The following PLXDC2 variants were observed in gnomAD, a reference collection of about 807,000 sequenced individuals.
The protein encoded by PLXDC2 is plexin domain containing 2, also known as plexin domain-containing protein 2.
In PLXDC2, 40 loss-of-function variants were observed where a neutral mutation model predicts 68.9. The ratio of observed to expected loss-of-function variants is 0.58; its 90% CI spans 0.45 to 0.76. The LOEUF (loss-of-function observed/expected upper bound fraction) is 0.76, where lower values mean the gene tolerates loss of function less well. Among genes scored for constraint, PLXDC2 ranks in the 30% least tolerant of loss-of-function variants. The pLI is 0.00. For missense variants in PLXDC2, 644 were observed against 661.9 expected (o/e 0.97, Z 0.30); for synonymous variants, 243 against 234.2 (o/e 1.04, Z -0.34).
intron 1 of PLXDC2, among the ~76,000 whole-genome samples, chr10:19,841,040 C>G (rs550685240): frequency 1.3e-5 from 2 of 152,142 alleles, no homozygotes; most frequent in Non-Finnish European, 2.9e-5. Context: ...ATAGGCATTG[C>G]TCTGTGTCCT....
intron 13 of PLXDC2, among the ~76,000 whole-genome samples, chr10:20,279,033 T>C (rs1564374713): frequency 6.6e-6 from 1 of 152,204 alleles, no homozygotes; most frequent in African/African-American, 2.4e-5. Flanking sequence ...TTAGGACTAG[T>C]GTCTATTGTA....
chr10:20,178,129 T>C (rs532018250), intron 9 of PLXDC2, among the ~76,000 whole-genome samples: 18 of 152,296 alleles, frequency 1.2e-4, no homozygotes, highest in African/African-American at 4.3e-4. Context: ...TTCTATGCAA[T>C]ATCTCAAAGG....
At chr10:19,846,750 A>T (rs548596637) in intron 1 of PLXDC2, among the ~76,000 whole-genome samples, 88 of 152,270 alleles carry the variant, frequency 5.8e-4, no homozygotes, top group Non-Finnish European at 1.1e-3. Flanking sequence ...CACATAGTTG[A>T]TCTGGCATCA....
At chr10:19,921,017 T>C (rs534301995) in intron 1 of PLXDC2, among the ~76,000 whole-genome samples, 3 of 151,802 alleles carry the variant, frequency 2.0e-5, no homozygotes, top group African/African-American at 7.2e-5. Context: ...AGCCTTGAAC[T>C]CCTGGGCTCA....
chr10:19,935,315 G>T (rs563188493), intron 1 of PLXDC2, among the ~76,000 whole-genome samples: 4 of 152,336 alleles, frequency 2.6e-5, no homozygotes, highest in African/African-American at 9.6e-5. Context: ...GCCAGGCATT[G>T]CCCTGACAGC....
At chr10:20,010,380 G>A (rs1320041745) in intron 2 of PLXDC2, among the ~76,000 whole-genome samples, 3 of 152,106 alleles carry the variant, frequency 2.0e-5, no homozygotes, top group African/African-American at 7.2e-5. Context: ...AAAGTGTACC[G>A]AAAATAGTAA....
intron 13 of PLXDC2, among the ~76,000 whole-genome samples, chr10:20,273,250 T>C (rs772784878): frequency 6.6e-6 from 1 of 152,198 alleles, no homozygotes; most frequent in African/African-American, 2.4e-5. Flanking sequence ...TTTATGGCAA[T>C]ATTTTATTTT....
intron 1 of PLXDC2, among the ~76,000 whole-genome samples, chr10:19,921,646 C>T (rs1290619722): frequency 6.6e-6 from 1 of 152,206 alleles, no homozygotes; most frequent in African/African-American, 2.4e-5. Flanking sequence ...CAATTTCCCT[C>T]TTCCTTAAGG....
intron 4 of PLXDC2, among the ~76,000 whole-genome samples, chr10:20,076,734 C>T (rs1408792025): frequency 6.6e-6 from 1 of 152,084 alleles, no homozygotes; most frequent in African/African-American, 2.4e-5. Context: ...TCTAACTGCT[C>T]CTATTAAAGG....
chr10:19,819,416 A>G (rs1163089804), intron 1 of PLXDC2, among the ~76,000 whole-genome samples: 1 of 152,244 alleles, frequency 6.6e-6, no homozygotes, highest in Non-Finnish European at 1.5e-5. Context: ...ATATAAAAAA[A>G]GCAAGGTGAA....
At chr10:20,155,795 C>CA (rs1359996479) in intron 6 of PLXDC2, among the ~76,000 whole-genome samples, 2 of 152,024 alleles carry the variant, frequency 1.3e-5, no homozygotes, top group Non-Finnish European at 2.9e-5. Context: ...GTTCTGATGG[C>CA]AAATGCTGTG....
intron 6 of PLXDC2, among the ~76,000 whole-genome samples, chr10:20,162,085 A>C (rs1834306404): frequency 7.4e-6 from 1 of 134,452 alleles, no homozygotes; most frequent in Non-Finnish European, 1.6e-5. Flanking sequence ...GGAAGGAAGG[A>C]AGGAAGGAAG....
intron 1 of PLXDC2, among the ~76,000 whole-genome samples, chr10:19,997,255 A>G (rs1834859141): frequency 6.6e-6 from 1 of 152,218 alleles, no homozygotes; most frequent in South Asian, 2.1e-4. Context: ...ACTATTTTCT[A>G]TAGAATTTTA....
At position 20,238,545 on chromosome 10, in the gene PLXDC2, G is replaced by A. The variant is rs1331826504; in HGVS notation, c.1313-6800G>A. ...GCCTGTAGTCCCAGCTACTCAGGAG[G>A]CTGAGGCAGGAGAATTACCTGAATC... On this transcript the variant is annotated intron_variant, in intron 12 of 13. Transcript: ENST00000377252. Among the ~76,000 whole-genome samples the A allele has an allele frequency of 2.0e-5, 3 of 150,410 alleles. No individual in the cohort carries two copies. The Admixed American group carries it at 2.0e-4, about 10-fold the overall frequency.
intron 7 of PLXDC2, 146 bp from the exon 8 acceptor site, chr10:20,176,853 T>G: frequency 3.4e-6 from 2 of 588,868 alleles, no homozygotes; most frequent in Non-Finnish European, 5.8e-6. Context: ...TTTTACATAT[T>G]TTGTAATCAG....
chr10:19,931,298 C>G (rs1422809477), intron 1 of PLXDC2, among the ~76,000 whole-genome samples: 1 of 152,238 alleles, frequency 6.6e-6, no homozygotes, highest in Non-Finnish European at 1.5e-5. Context: ...CTTCTTTCCA[C>G]TCTCACCTCT....
intron 1 of PLXDC2, among the ~76,000 whole-genome samples, chr10:19,846,193 A>G (rs567976959): frequency 6.6e-6 from 1 of 152,320 alleles, no homozygotes; most frequent in Admixed American, 6.5e-5. Context: ...TATAAACCTG[A>G]TGCCTGTGCC....
chr10:19,817,729 G>C (rs2131990267), intron 1 of PLXDC2, among the ~76,000 whole-genome samples: 1 of 152,354 alleles, frequency 6.6e-6, no homozygotes, highest in African/African-American at 2.4e-5. Flanking sequence ...CGCTGGAAGG[G>C]GGGCGGGGTA....
At chr10:19,905,148 A>G (rs1833130808) in intron 1 of PLXDC2, among the ~76,000 whole-genome samples, 1 of 152,158 alleles carries the variant, frequency 6.6e-6, no homozygotes, top group Non-Finnish European at 1.5e-5. Flanking sequence ...TGATTGGTTC[A>G]CTGTAATTTT....
Sources: gnomAD v4.1 joint callset for allele counts (sites outside exome capture counted in the v4.1 genomes callset) on GRCh38, gnomAD v4.1.1 for gene constraint, MANE v1.5 for transcripts, NCBI Gene and HGNC (gene_info 2026-07-23, HGNC 2026-07-21) for gene names.